The following LRRC61 variants were observed in gnomAD, a reference collection of about 807,000 sequenced individuals.
The protein encoded by LRRC61 is leucine rich repeat containing 61.
Under a neutral mutation model 15.1 loss-of-function variants are expected in LRRC61, and 9 were observed. The ratio of observed to expected loss-of-function variants is 0.60; its 90% CI spans 0.36 to 1.04. LRRC61 has a LOEUF of 1.04. Ranked by LOEUF, LRRC61 falls within the 50% of genes least tolerant of loss-of-function variation. LRRC61 has a pLI of 0.01. For missense variants in LRRC61, 344 were observed against 335.6 expected (o/e 1.03, Z -0.20); for synonymous variants, 173 against 158.6 (o/e 1.09, Z -0.68).
Position 150,333,768 on chromosome 7 carries a change from C to T in LRRC61, c.-144-2950C>T, listed in dbSNP as rs926139023. ...AGGAGTGCTGAAGCAGGTGGACGTG[C>T]GGGAAGCCATCCTCCTTGTGTCTGC... On this transcript the variant is annotated intron_variant, in intron 2 of 2. Coordinates refer to ENST00000359623, the MANE Select transcript of LRRC61 (RefSeq NM_001142928.2). The surrounding 1 kb of genome is among the most constrained non-coding windows in gnomAD (Gnocchi z 4.3). Among the ~76,000 whole-genome samples the T allele has an allele frequency of 2.0e-5, 3 of 152,156 alleles. No homozygotes were observed. The highest frequency in any genetic ancestry group is 4.8e-5 in the African/African-American group (2 of 41,430).
chr7:150,312,428 C>T, the LRRC61 span, among the ~76,000 whole-genome samples: 15 of 152,340 alleles, frequency 9.8e-5, no homozygotes, highest in African/African-American at 3.4e-4. Flanking sequence ...GGCTTAACAA[C>T]AGGGAATCCC....
chr7:150,330,581 C>G lies in LRRC61; in HGVS notation c.-145+4571C>G. On this transcript the variant is annotated intron_variant, in intron 2 of 2. Coordinates refer to ENST00000359623, the MANE Select transcript of LRRC61 (RefSeq NM_001142928.2). The surrounding 1 kb of genome is among the most constrained non-coding windows in gnomAD (Gnocchi z 4.6). ...GGTTGGCCCGGCAGCTCTGCACCGA[C>G]TGTCAGCTCAACAAGCTCTTCTACC... The G allele has an allele frequency of 1.3e-6, 1 of 793,112 alleles. No individual in the cohort carries two copies. Among genetic ancestry groups the G allele is most frequent in the Admixed American group, 1.7e-5 (1 of 58,898 alleles). The allele number at this position is 793,112 out of a possible 1,614,324, so 49.1% of individuals were successfully genotyped here.
At position 150,335,207 on chromosome 7, in the gene LRRC61, C is replaced by G. The variant is rs1008575195; in HGVS notation, c.-144-1511C>G. 3.3e-5 allele frequency among the ~76,000 whole-genome samples: 5 copies of G among 152,174 alleles called. No individual in the cohort carries two copies. In the East Asian group the frequency reaches 9.6e-4, roughly 29 times the overall value. On this transcript the variant is annotated intron_variant, in intron 2 of 2. Transcript: ENST00000359623. The surrounding 1 kb of genome is among the most constrained non-coding windows in gnomAD (Gnocchi z 4.3). ...AGTGCCTGGTGCTCCTCCTGCACCC[C>G]CCACGTTAGGGGCCAGAGCAGCTTT...
intron 2 of LRRC61, among the ~76,000 whole-genome samples, chr7:150,327,963 A>G (rs1797998191): frequency 6.6e-6 from 1 of 152,088 alleles, no homozygotes; most frequent in South Asian, 2.1e-4. Context: ...GAGATTACAG[A>G]TTAAGTAGGT....
Position 150,330,501 on chromosome 7 carries a change from C to T in LRRC61, c.-145+4491C>T, listed in dbSNP as rs1446579679. Reference sequence around the variant, plus strand: ...CATCTTCCTGGAGCAGGTTCACACACACTTTCAGGAGCAGAGTGTCGGGGA... The same window carrying T: ...CATCTTCCTGGAGCAGGTTCACACATACTTTCAGGAGCAGAGTGTCGGGGA... On this transcript the variant is annotated intron_variant, in intron 2 of 2. Coordinates refer to ENST00000359623, the MANE Select transcript of LRRC61 (RefSeq NM_001142928.2). This position sits in a 1 kb window ranked among gnomAD's most constrained non-coding sequence, Gnocchi z 4.6. 3 of 780,202 alleles carry T rather than the reference C, an allele frequency of 3.8e-6. No homozygotes were observed. Among genetic ancestry groups the T allele is most frequent in the African/African-American group, 3.4e-5 (2 of 59,280 alleles). The allele number at this position is 780,202 out of a possible 1,614,324, so 48.3% of individuals were successfully genotyped here. A position where few individuals can be genotyped will look rare whatever the true frequency, so the allele number is the denominator to read the frequency against.
At position 150,337,342 on chromosome 7, in the gene LRRC61, G is replaced by C; in HGVS notation, c.481G>C (p.Asp161His). 1 of 1,604,270 alleles carries C rather than the reference G, an allele frequency of 6.2e-7. No homozygotes were observed. The highest frequency in any genetic ancestry group is 2.2e-5 in the East Asian group (1 of 44,884). Reference protein sequence around the residue: ...RELLPGLKVIDGERVIGRGSE... With the variant: ...RELLPGLKVIHGERVIGRGSE... ...GCTGCTGCCTGGCCTGAAAGTCATC[G>C]ACGGTGAGCGTGTGATTGGGCGTGG... The change falls in exon 3 of 3, where the codon GAC becomes CAC. Residue 161 changes from aspartate to histidine, a missense_variant. Coordinates refer to ENST00000359623, the MANE Select transcript of LRRC61 (RefSeq NM_001142928.2).
At chr7:150,318,545 C>T (rs1218483188), upstream of LRRC61, among the ~76,000 whole-genome samples, 3 of 152,122 alleles carry the variant, frequency 2.0e-5, no homozygotes, top group Admixed American at 6.6e-5. Context: ...GGGCGGATCA[C>T]GAGATCAGGA....
rs1013049497 is a variant in LRRC61, at chr7:150,335,618, T to G, written c.-144-1100T>G. ...GAGGGGAAAATGAAAAGTGTTGATA[T>G]GTAAACTCAGTCACCGACACCCTGC... On this transcript the variant is annotated intron_variant, in intron 2 of 2. Transcript: ENST00000359623. The surrounding 1 kb of genome is among the most constrained non-coding windows in gnomAD (Gnocchi z 4.3). Among the ~76,000 whole-genome samples the G allele has an allele frequency of 4.6e-5, 7 of 152,140 alleles. No homozygotes were observed. The highest frequency in any genetic ancestry group is 1.7e-4 in the African/African-American group (7 of 41,416).
At chr7:150,316,488 T>A in the LRRC61 span, among the ~76,000 whole-genome samples, 2 of 120,124 alleles carry the variant, frequency 1.7e-5, no homozygotes, top group East Asian at 2.6e-4. Flanking sequence ...TGGTTATTTT[T>A]TTTTTTTTTT....
Position 150,336,787 on chromosome 7 carries a change from A to G in LRRC61, c.-75A>G. On this transcript the variant is annotated 5_prime_UTR_variant, in exon 3 of 3. Coordinates refer to ENST00000359623, the MANE Select transcript of LRRC61 (RefSeq NM_001142928.2). Reference sequence around the variant, plus strand: ...CACTGGCCTGGGTAGAGCCAGGGCGAGCACCAGCTGACCCCCAGTGGAACC... The same window carrying G: ...CACTGGCCTGGGTAGAGCCAGGGCGGGCACCAGCTGACCCCCAGTGGAACC... 1 of 1,533,054 alleles carries G rather than the reference A, an allele frequency of 6.5e-7. No individual in the cohort carries two copies. Among genetic ancestry groups the G allele is most frequent in the Non-Finnish European group, 8.8e-7 (1 of 1,140,710 alleles). The allele number at this position is 1,533,054 out of a possible 1,614,324, so 95.0% of individuals were successfully genotyped here. A position where few individuals can be genotyped will look rare whatever the true frequency, so the allele number is the denominator to read the frequency against.
intron 2 of LRRC61, among the ~76,000 whole-genome samples, chr7:150,328,095 T>A (rs923276235): frequency 6.6e-6 from 1 of 152,094 alleles, no homozygotes; most frequent in East Asian, 1.9e-4. Flanking sequence ...CATTTAAGAG[T>A]TGCAGAGACA....
rs78553521 is a variant in LRRC61, at chr7:150,335,436, C to T, written c.-144-1282C>T. 2.7e-3 allele frequency among the ~76,000 whole-genome samples: 411 copies of T among 152,312 alleles called. 1 individual carries two copies. Among genetic ancestry groups the T allele is most frequent in the African/African-American group, 9.5e-3 (394 of 41,556 alleles). ...TAGATAAGGAAATGGGGGCCATAAG[C>T]ACAAGGACTCCCCTTTCCAGATGGG... On this transcript the variant is annotated intron_variant, in intron 2 of 2. Coordinates refer to ENST00000359623, the MANE Select transcript of LRRC61 (RefSeq NM_001142928.2). This position sits in a 1 kb window ranked among gnomAD's most constrained non-coding sequence, Gnocchi z 4.3.
At chr7:150,318,378 G>A (rs189792933), upstream of LRRC61, among the ~76,000 whole-genome samples, 15 of 152,284 alleles carry the variant, frequency 9.9e-5, no homozygotes, top group Middle Eastern at 3.4e-3. Flanking sequence ...CTCCAGAACC[G>A]TGAGACAATA....
chr7:150,316,315 G>T, the LRRC61 span, among the ~76,000 whole-genome samples: 2 of 152,190 alleles, frequency 1.3e-5, no homozygotes, highest in Non-Finnish European at 2.9e-5. Context: ...CATTAATCTG[G>T]CTGTCAATAC....
chr7:150,321,749 A>C (rs1797535612), upstream of LRRC61, among the ~76,000 whole-genome samples: 1 of 152,222 alleles, frequency 6.6e-6, no homozygotes, highest in South Asian at 2.1e-4. Flanking sequence ...CAAAAAAATA[A>C]AAATAAAAAT....
intron 2 of LRRC61, among the ~76,000 whole-genome samples, chr7:150,329,162 A>G (rs1460279758): frequency 2.0e-5 from 3 of 152,226 alleles, no homozygotes; most frequent in Non-Finnish European, 2.9e-5. Context: ...GGTCCTCCAT[A>G]TAGTTGCTCT....
At chr7:150,319,361 C>T (rs1797258862), upstream of LRRC61, among the ~76,000 whole-genome samples, 1 of 152,188 alleles carries the variant, frequency 6.6e-6, no homozygotes. Flanking sequence ...GCATGCACCA[C>T]CATGCCTAGC....
In LRRC61 at chr7:150,337,510, G is replaced by T. The variant is rs1160788603; in HGVS notation, c.649G>T (p.Glu217Ter). 6.2e-7 allele frequency: 1 copy of T among 1,603,084 alleles called. No individual in the cohort carries two copies. ...GCCCAGCCGGAGCAGCTCCATCCTGGAGGAGGCCTGCCGGCAGTTCCAGGA... is the reference window on the plus strand; with the variant it reads ...GCCCAGCCGGAGCAGCTCCATCCTGTAGGAGGCCTGCCGGCAGTTCCAGGA... Reference protein sequence around the residue: ...SWPSRSSSILEEACRQFQDTL... With the variant: ...SWPSRSSSIL Residue 217 changes from glutamate to a stop codon, truncating the protein, a stop_gained, in exon 3 of 3, where the codon GAG becomes TAG. Coordinates refer to ENST00000359623, the MANE Select transcript of LRRC61 (RefSeq NM_001142928.2). LOFTEE classifies it high-confidence loss of function.
chr7:150,323,660 G>A (rs751734722), intron 1 of LRRC61, 100 bp downstream of exon 1: 4 of 455,832 alleles, frequency 8.8e-6, no homozygotes, highest in South Asian at 4.6e-5. Context: ...GTGCCCTCGC[G>A]CCGAAACACA....
Sources: allele counts gnomAD v4.1 joint callset (sites outside exome capture counted in the v4.1 genomes callset), GRCh38; gene constraint gnomAD v4.1.1; non-coding constraint Gnocchi (gnomAD v3.1); transcripts MANE v1.5; gene names NCBI Gene and HGNC (gene_info 2026-07-23, HGNC 2026-07-21).